Variants in ADAMTS19 observed in about 807,000 individuals in gnomAD.
The protein encoded by ADAMTS19 is ADAM metallopeptidase with thrombospondin type 1 motif 19.
Under a neutral mutation model 153.3 loss-of-function variants are expected in ADAMTS19, and 93 were observed. The observed-to-expected ratio is 0.61, with a 90% confidence interval of 0.51 to 0.72. The LOEUF (loss-of-function observed/expected upper bound fraction) is 0.72, where lower values mean the gene tolerates loss of function less well. ADAMTS19 is among the 30% of genes least tolerant of loss of function. The pLI is 0.00. For synonymous variants in ADAMTS19, 600 were observed against 556.6 expected, an observed-to-expected ratio of 1.08 and a Z score of -1.10; for missense variants, 1,482 against 1,552.1, an observed-to-expected ratio of 0.95 and a Z score of 0.76.
At chr5:129,624,551 A>C (rs1751937309) in intron 10 of ADAMTS19, among the ~76,000 whole-genome samples, 1 of 152,154 alleles carries the variant, frequency 6.6e-6, no homozygotes, top group South Asian at 2.1e-4. Context: ...GTTTCAGTTC[A>C]TGTGGTATAG....
intron 16 of ADAMTS19, among the ~76,000 whole-genome samples, chr5:129,672,032 T>A (rs555275066): frequency 6.6e-6 from 1 of 152,226 alleles, no homozygotes; most frequent in African/African-American, 2.4e-5. Flanking sequence ...CAACAGAAAT[T>A]TATTTCCCAC....
At chr5:129,606,758 G>A (rs1256811447) in intron 8 of ADAMTS19, among the ~76,000 whole-genome samples, 3 of 152,022 alleles carry the variant, frequency 2.0e-5, no homozygotes, top group Non-Finnish European at 4.4e-5. Flanking sequence ...CAAACATCAT[G>A]CCTTTATTCA....
intron 10 of ADAMTS19, among the ~76,000 whole-genome samples, chr5:129,635,445 CACAT>C (rs1415051315): frequency 6.6e-6 from 1 of 152,130 alleles, no homozygotes; most frequent in Non-Finnish European, 1.5e-5. Flanking sequence ...GTTATAAAGA[CACAT>C]GCATGTATGT....
chr5:129,658,361 GAAAGAA>G (rs1753674903), intron 14 of ADAMTS19, among the ~76,000 whole-genome samples: 22 of 150,184 alleles, frequency 1.5e-4, no homozygotes, highest in East Asian at 3.9e-4. Flanking sequence ...AAGAAAGAAA[GAAAGAA>G]AGAGAGAGAG....
chr5:129,593,624 T>C (rs1307572721), intron 7 of ADAMTS19, among the ~76,000 whole-genome samples: 2 of 152,150 alleles, frequency 1.3e-5, no homozygotes, highest in Non-Finnish European at 2.9e-5. Context: ...CCTGTAAGTG[T>C]TATGCCTTCT....
At chr5:129,578,142 ATGCATGTATATGTACG>A (rs1749285517) in intron 7 of ADAMTS19, among the ~76,000 whole-genome samples, 1 of 129,436 alleles carries the variant, frequency 7.7e-6, no homozygotes, top group African/African-American at 2.8e-5. Flanking sequence ...ATATACCTAT[ATGCATGTATATGTACG>A]TATACGTACA....
intron 6 of ADAMTS19, among the ~76,000 whole-genome samples, chr5:129,542,075 A>G (rs956685942): frequency 6.6e-6 from 1 of 152,130 alleles, no homozygotes; most frequent in Non-Finnish European, 1.5e-5. Flanking sequence ...TTTGAGCCAC[A>G]GAGACCAACT....
intron 2 of ADAMTS19, among the ~76,000 whole-genome samples, chr5:129,464,208 T>G (rs1749781314): frequency 6.6e-6 from 1 of 152,218 alleles, no homozygotes; most frequent in Admixed American, 6.5e-5. Context: ...TCTTAAAATG[T>G]CTAGAGATCA....
intron 7 of ADAMTS19, among the ~76,000 whole-genome samples, chr5:129,567,476 A>G (rs1753757202): frequency 6.6e-6 from 1 of 152,180 alleles, no homozygotes; most frequent in South Asian, 2.1e-4. Flanking sequence ...TTTCAAATGA[A>G]TGGAAGGGTA....
rs1389968875 is a variant in ADAMTS19, at chr5:129,737,946, T to C, written c.*728T>C. On this transcript the variant is annotated 3_prime_UTR_variant, in exon 23 of 23. Coordinates refer to ENST00000274487, the MANE Select transcript of ADAMTS19 (RefSeq NM_133638.6). ...TATAGTGTAGAGAAATCGTTAGAAATGGTGACATCTTACAAAAAATGTGTA... is the reference window on the plus strand; with the variant it reads ...TATAGTGTAGAGAAATCGTTAGAAACGGTGACATCTTACAAAAAATGTGTA... 1.3e-5 allele frequency: 2 copies of C among 152,516 alleles called. No homozygotes were observed. Among genetic ancestry groups the C allele is most frequent in the South Asian group, 2.1e-4 (1 of 4,832 alleles). The allele number at this position is 152,516 out of a possible 1,614,324, so 9.4% of individuals were successfully genotyped here.
intron 2 of ADAMTS19, among the ~76,000 whole-genome samples, chr5:129,467,948 T>C (rs1749927078): frequency 6.6e-6 from 1 of 152,222 alleles, no homozygotes; most frequent in Admixed American, 6.5e-5. Flanking sequence ...TAAAAACCCA[T>C]ACTATTTACA....
At chr5:129,633,143 T>C (rs973040358) in intron 10 of ADAMTS19, among the ~76,000 whole-genome samples, 10 of 152,150 alleles carry the variant, frequency 6.6e-5, no homozygotes, top group African/African-American at 2.4e-4. Context: ...ATTTTTATCA[T>C]TTCCATCCTG....
intron 7 of ADAMTS19, among the ~76,000 whole-genome samples, chr5:129,585,979 G>T (rs1369722881): frequency 6.6e-6 from 1 of 151,888 alleles, no homozygotes; most frequent in Admixed American, 6.6e-5. Context: ...GTTTGATTCT[G>T]CTTGTTGCTT....
chr5:129,520,128 T>A (rs1199771290), intron 3 of ADAMTS19, among the ~76,000 whole-genome samples: 1 of 152,130 alleles, frequency 6.6e-6, no homozygotes, highest in East Asian at 1.9e-4. Context: ...TTTATAGAGA[T>A]CTTTCATTTC....
At chr5:129,541,379 A>C (rs1752648675) in intron 6 of ADAMTS19, among the ~76,000 whole-genome samples, 1 of 151,958 alleles carries the variant, frequency 6.6e-6, no homozygotes, top group Non-Finnish European at 1.5e-5. Flanking sequence ...GATATGATGT[A>C]TTATATATTT....
chr5:129,705,088 T>A (rs1038194152), intron 21 of ADAMTS19, among the ~76,000 whole-genome samples: 2 of 152,164 alleles, frequency 1.3e-5, no homozygotes, highest in Non-Finnish European at 1.5e-5. Flanking sequence ...AGATCTCACA[T>A]ATTTTTCAGA....
intron 8 of ADAMTS19, among the ~76,000 whole-genome samples, chr5:129,603,567 AG>A (rs2126935627): frequency 6.6e-6 from 1 of 152,328 alleles, no homozygotes; most frequent in South Asian, 2.1e-4. Context: ...GTATGGTTTT[AG>A]GAAAATTTAG....
chr5:129,515,910 C>T (rs139875774), intron 3 of ADAMTS19, among the ~76,000 whole-genome samples: 2 of 151,930 alleles, frequency 1.3e-5, no homozygotes, highest in East Asian at 3.9e-4. Flanking sequence ...TAGTATGATA[C>T]TAGCTGTAGG....
intron 21 of ADAMTS19, among the ~76,000 whole-genome samples, chr5:129,719,077 A>G (rs32819): frequency 0.96 from 146,237 of 152,232 alleles, 70,305 homozygotes; most frequent in East Asian, 1. Context: ...ATGCACTGAA[A>G]TGTTTTTTTT....
Sources: gnomAD v4.1 joint callset for allele counts (sites outside exome capture counted in the v4.1 genomes callset) on GRCh38, gnomAD v4.1.1 for gene constraint, MANE v1.5 for transcripts, NCBI Gene and HGNC (gene_info 2026-07-23, HGNC 2026-07-21) for gene names.